KLF7: variants seen among roughly 807,000 people sequenced by gnomAD.
KLF7 encodes KLF transcription factor 7.
A neutral mutation model predicts 27.3 loss-of-function variants in KLF7; 2 were observed. The observed-to-expected ratio is 0.07, with a 90% CI of 0.03 to 0.23. The LOEUF is 0.23. Among genes scored for constraint, KLF7 ranks in the 10% least tolerant of loss-of-function variants. KLF7 has a pLI of 1.00. For missense variants in KLF7, 221 were observed against 394.1 expected, an observed-to-expected ratio of 0.56 and a Z score of 3.72; for synonymous variants, 165 against 162.4, an observed-to-expected ratio of 1.02 and a Z score of -0.12.
At chr2:207,134,154 A>ATTTTT (rs35538720) in intron 1 of KLF7, 87,444 of 1,113,054 alleles carry the variant, frequency 0.079, 945 homozygotes, top group Non-Finnish European at 0.084. Context: ...GGCTACTGGG[A>ATTTTT]TTTTTTTTTT....
chr2:207,093,551 G>C (rs2076559142), intron 2 of KLF7, among the ~76,000 whole-genome samples: 2 of 152,308 alleles, frequency 1.3e-5, no homozygotes, highest in East Asian at 1.9e-4. Flanking sequence ...AGCAGATTCT[G>C]TCACTTTCTC....
At chr2:207,133,939 G>T in intron 1 of KLF7, 2 of 573,548 alleles carry the variant, frequency 3.5e-6, no homozygotes, top group Non-Finnish European at 5.7e-6. Context: ...CAGTAACAGG[G>T]AAAGGTCTGA....
At position 207,078,961 on chromosome 2, in the gene KLF7, C is replaced by T. The variant is rs1297025417; in HGVS notation, c.*2252G>A. 4.6e-5 allele frequency: 7 copies of T among 152,120 alleles called. No homozygotes were observed. The highest frequency in any genetic ancestry group is 1.7e-4 in the African/African-American group (7 of 41,418). The allele number at this position is 152,120 out of a possible 1,614,324, so 9.4% of individuals were successfully genotyped here. A position where few individuals can be genotyped will look rare whatever the true frequency, so the allele number is the denominator to read the frequency against. ...AAAACTGATTTTTAATACCCTCCAA[C>T]TAACATACATACAATTGCCTCCGGC... On this transcript the variant is annotated 3_prime_UTR_variant, in exon 4 of 4. Coordinates refer to ENST00000309446, the MANE Select transcript of KLF7 (RefSeq NM_003709.4).
At chr2:207,140,659 C>A (rs2106058005) in intron 1 of KLF7, among the ~76,000 whole-genome samples, 1 of 152,264 alleles carries the variant, frequency 6.6e-6, no homozygotes. Context: ...AAGCAGATCA[C>A]CTCAAGGGCA....
chr2:207,129,083 C>A (rs2077554864), intron 1 of KLF7, among the ~76,000 whole-genome samples: 1 of 152,248 alleles, frequency 6.6e-6, no homozygotes, highest in African/African-American at 2.4e-5. Flanking sequence ...ATGGTTTTTG[C>A]AACATTTCTG....
At chr2:207,141,503 A>G (rs1417522202) in intron 1 of KLF7, among the ~76,000 whole-genome samples, 2 of 152,168 alleles carry the variant, frequency 1.3e-5, no homozygotes, top group African/African-American at 4.8e-5. Flanking sequence ...AGGGGTGGGG[A>G]CTGTGGTAAA....
At chr2:207,145,935 C>A (rs548366451) in intron 1 of KLF7, among the ~76,000 whole-genome samples, 1 of 152,274 alleles carries the variant, frequency 6.6e-6, no homozygotes, top group East Asian at 1.9e-4. Context: ...CAAAAAATCA[C>A]CAAAGAGAAA....
intron 1 of KLF7, among the ~76,000 whole-genome samples, chr2:207,126,829 A>T (rs2077490381): frequency 6.7e-6 from 1 of 149,382 alleles, no homozygotes; most frequent in South Asian, 2.1e-4. Flanking sequence ...AAAAAAAATC[A>T]GCTGACTCAT....
At chr2:207,150,439 G>C (rs1007690781) in intron 1 of KLF7, among the ~76,000 whole-genome samples, 1 of 152,018 alleles carries the variant, frequency 6.6e-6, no homozygotes, top group Non-Finnish European at 1.5e-5. Flanking sequence ...AAACTGAATA[G>C]AAATCATAAA....
At chr2:207,083,503 G>A (rs938198850) in intron 3 of KLF7, among the ~76,000 whole-genome samples, 1 of 152,128 alleles carries the variant, frequency 6.6e-6, no homozygotes. Flanking sequence ...TCAGAAAGAG[G>A]ATTTGAACAC....
intron 2 of KLF7, among the ~76,000 whole-genome samples, chr2:207,102,125 TTC>T (rs1491233322): frequency 0.09 from 10,968 of 121,236 alleles, 506 homozygotes; most frequent in Middle Eastern, 0.14. Context: ...TACATTCACA[TTC>T]ACACACACAC....
rs1361093239 is a variant in KLF7, at chr2:207,075,755, A to G, written c.*5458T>C. 3.3e-5 allele frequency: 5 copies of G among 152,170 alleles called. No individual in the cohort carries two copies. In the East Asian group the frequency reaches 9.6e-4, roughly 29 times the overall value. The allele number at this position is 152,170 out of a possible 1,614,324, so 9.4% of individuals were successfully genotyped here. ...TATTTTTGCCTCTGTGTTAGCAAGG[A>G]GATCTTGGCCATTAACAGGTGTATT... On this transcript the variant is annotated 3_prime_UTR_variant, in exon 4 of 4. Coordinates refer to ENST00000309446, the MANE Select transcript of KLF7 (RefSeq NM_003709.4).
At chr2:207,091,506 T>G (rs1409032084) in intron 2 of KLF7, among the ~76,000 whole-genome samples, 2 of 152,182 alleles carry the variant, frequency 1.3e-5, no homozygotes, top group Admixed American at 6.5e-5. Flanking sequence ...GTTACTATTA[T>G]AGTGATTTAT....
upstream of KLF7, chr2:207,166,939 G>GCGC (rs200790025): frequency 1.1e-4 from 79 of 751,524 alleles, no homozygotes; most frequent in Middle Eastern, 5.4e-4. Flanking sequence ...CGCCCCGCGG[G>GCGC]CGCCGCCGCC....
chr2:207,142,465 C>A (rs1354235330), intron 1 of KLF7, among the ~76,000 whole-genome samples: 1 of 152,174 alleles, frequency 6.6e-6, no homozygotes, highest in East Asian at 1.9e-4. Flanking sequence ...TATCTGCCTA[C>A]AAGGTGCTCA....
chr2:207,116,652 A>G (rs2077196014), intron 2 of KLF7, among the ~76,000 whole-genome samples: 1 of 152,206 alleles, frequency 6.6e-6, no homozygotes, highest in Non-Finnish European at 1.5e-5. Flanking sequence ...CAGCCTCTGT[A>G]CATTATCAAT....
chr2:207,145,325 A>G (rs757679140), intron 1 of KLF7, among the ~76,000 whole-genome samples: 15 of 152,232 alleles, frequency 9.9e-5, no homozygotes, highest in Admixed American at 5.2e-4. Flanking sequence ...ATACACTAAG[A>G]AAGAAGTTGA....
upstream of KLF7, chr2:207,167,049 G>T: frequency 1.8e-6 from 2 of 1,136,352 alleles, no homozygotes; most frequent in Non-Finnish European, 2.3e-6. Context: ...GCTCGACTGT[G>T]CGTTAAAGAG....
upstream of KLF7, among the ~76,000 whole-genome samples, chr2:207,168,350 A>G (rs994850839): frequency 6.6e-6 from 1 of 152,220 alleles, no homozygotes; most frequent in Non-Finnish European, 1.5e-5. Context: ...TTTATATGCA[A>G]TGTCTCATTT....
Sources: allele counts gnomAD v4.1 joint callset (sites outside exome capture counted in the v4.1 genomes callset), GRCh38; gene constraint gnomAD v4.1.1; transcripts MANE v1.5; gene names NCBI Gene and HGNC (gene_info 2026-07-23, HGNC 2026-07-21).